Variants in ATP13A4 observed in about 807,000 individuals in gnomAD.
The protein encoded by ATP13A4 is probable cation-transporting ATPase 13A4.
Under a neutral mutation model 142.5 loss-of-function variants are expected in ATP13A4, and 114 were observed. That is an observed-to-expected ratio of 0.80 (90% CI 0.69 to 0.93). The LOEUF (loss-of-function observed/expected upper bound fraction) is 0.93, where lower values mean the gene tolerates loss of function less well. Ranked by LOEUF, ATP13A4 falls within the 40% of genes least tolerant of loss-of-function variation. The pLI, the probability that ATP13A4 is intolerant of heterozygous loss-of-function variation, is 0.00. For synonymous variants in ATP13A4, 488 were observed against 514.8 expected, an observed-to-expected ratio of 0.95 and a Z score of 0.70; for missense variants, 1,392 against 1,454.0, an observed-to-expected ratio of 0.96 and a Z score of 0.69.
chr3:193,429,720 G>C (rs1479268858), intron 25 of ATP13A4, among the ~76,000 whole-genome samples: 1 of 151,668 alleles, frequency 6.6e-6, no homozygotes, highest in Non-Finnish European at 1.5e-5. Flanking sequence ...AAAACATTGT[G>C]AATGTAATTC....
chr3:193,461,512 G>C (rs1020836527), intron 13 of ATP13A4, among the ~76,000 whole-genome samples: 3 of 152,130 alleles, frequency 2.0e-5, no homozygotes, highest in Admixed American at 6.5e-5. Context: ...ACTTTCAGAG[G>C]CCTCTTCTGT....
rs112860261 is a variant in ATP13A4 at position 193,469,453 on chromosome 3, C to T, written c.943+1406G>A. The stretch of plus-strand genomic sequence containing the variant: ...CCAGCCTGGCCAACATCGTGAAACG[C>T]CACCTCTACTAAAAATACAAAAATT... On this transcript the variant is annotated intron_variant, in intron 9 of 29. Transcript: ENST00000342695. Among the ~76,000 whole-genome samples the T allele has an allele frequency of 2.8e-3, 419 of 152,176 alleles. 2 individuals carry two copies. The highest frequency in any genetic ancestry group is 9.7e-3 in the African/African-American group (403 of 41,528).
intron 8 of ATP13A4, among the ~76,000 whole-genome samples, chr3:193,483,449 TTTTTGTTTGTTTG>T (rs1407578821): frequency 6.6e-6 from 1 of 152,122 alleles, no homozygotes; most frequent in Non-Finnish European, 1.5e-5. Context: ...TAAAGTAGTT[TTTTTGTTTGTTTG>T]TTTTGTTTTG....
At chr3:193,519,626 ATTTTTTTTTTTTTTTTTT>A (rs147173408) in intron 1 of ATP13A4, among the ~76,000 whole-genome samples, 1 of 69,010 alleles carries the variant, frequency 1.4e-5, no homozygotes, top group East Asian at 4.8e-4. Context: ...GCAATTTGTA[ATTTTTTTTTTTTTTTTTT>A]TTTTTTTTTT....
chr3:193,505,767 G>A (rs1275003718), intron 2 of ATP13A4, among the ~76,000 whole-genome samples: 2 of 152,148 alleles, frequency 1.3e-5, no homozygotes, highest in East Asian at 1.9e-4. Context: ...GAAATGGAAG[G>A]AAAGTACACC....
chr3:193,484,430 G>A (rs974627135), intron 7 of ATP13A4, among the ~76,000 whole-genome samples: 1 of 152,082 alleles, frequency 6.6e-6, no homozygotes, highest in Admixed American at 6.5e-5. Flanking sequence ...GATATTGAGA[G>A]TGAGTCAGTA....
At chr3:193,526,362 AC>A (rs1722002395) in intron 1 of ATP13A4, among the ~76,000 whole-genome samples, 1 of 152,028 alleles carries the variant, frequency 6.6e-6, no homozygotes, top group Admixed American at 6.5e-5. Context: ...AAAACCAAAC[AC>A]CACATTTTCT....
At chr3:193,541,962 G>C (rs1387686519) in intron 1 of ATP13A4, among the ~76,000 whole-genome samples, 1 of 152,116 alleles carries the variant, frequency 6.6e-6, no homozygotes, top group African/African-American at 2.4e-5. Context: ...ACCCAGCTTG[G>C]AAGTTGTGTC....
At chr3:193,500,552 A>G (rs768955301) in intron 3 of ATP13A4, among the ~76,000 whole-genome samples, 20 of 152,140 alleles carry the variant, frequency 1.3e-4, no homozygotes, top group Non-Finnish European at 2.6e-4. Context: ...GAGCACCGTA[A>G]CCTAGATCCC....
chr3:193,489,945 A>G, intron 6 of ATP13A4, 81 bp from the exon 7 acceptor site: 1 of 1,438,958 alleles, frequency 6.9e-7, no homozygotes, highest in Middle Eastern at 1.8e-4. Context: ...TTTCATAATC[A>G]TCTTCATGAC....
intron 21 of ATP13A4, among the ~76,000 whole-genome samples, chr3:193,439,294 A>T (rs1006759846): frequency 9.9e-5 from 15 of 152,202 alleles, no homozygotes; most frequent in African/African-American, 3.1e-4. Context: ...GACACTGCAC[A>T]TCACTGCGTA....
At chr3:193,519,325 AAGAC>A (rs1171890152) in intron 1 of ATP13A4, among the ~76,000 whole-genome samples, 7 of 152,168 alleles carry the variant, frequency 4.6e-5, no homozygotes, top group Middle Eastern at 3.2e-3. Context: ...CTGAGGTACT[AAGAC>A]AGAAAGCAGA....
At chr3:193,577,801 A>G (rs1056433194) in intron 2 of ATP13A4, among the ~76,000 whole-genome samples, 1 of 152,224 alleles carries the variant, frequency 6.6e-6, no homozygotes, top group African/African-American at 2.4e-5. Flanking sequence ...CTATGTTGCA[A>G]TCTAACATAC....
At chr3:193,573,295 A>ATATATATATATTCT (rs1724320600) in intron 2 of ATP13A4, among the ~76,000 whole-genome samples, 2 of 83,962 alleles carry the variant, frequency 2.4e-5, no homozygotes, top group African/African-American at 1.1e-4. Flanking sequence ...ATATACACAT[A>ATATATATATATTCT]TATATATATA....
chr3:193,548,868 C>T (rs569377401), intron 1 of ATP13A4, among the ~76,000 whole-genome samples: 1 of 152,166 alleles, frequency 6.6e-6, no homozygotes, highest in Non-Finnish European at 1.5e-5. Context: ...GTTTACCGTG[C>T]TTTTCCACTG....
chr3:193,402,923 C>T lies in ATP13A4; in HGVS notation c.3379-59G>A, dbSNP rs1003947439. ...GGGTTGAGTGTTTTGAGGCTACAGCCCTCCACAGGCCATCATAAGTCACTA... is the reference window on the plus strand; with the variant it reads ...GGGTTGAGTGTTTTGAGGCTACAGCTCTCCACAGGCCATCATAAGTCACTA... On this transcript the variant is annotated intron_variant, in intron 29 of 29. Coordinates refer to ENST00000342695, the MANE Select transcript of ATP13A4 (RefSeq NM_032279.4). 5.5e-5 allele frequency: 81 copies of T among 1,460,524 alleles called. No homozygotes were observed. The Admixed American group carries it at 1.2e-3, about 22-fold the overall frequency. 90.5% of individuals were successfully genotyped at this position (1,460,524 alleles called of 1,614,324 possible). A position where few individuals can be genotyped will look rare whatever the true frequency, so the allele number is the denominator to read the frequency against.
At chr3:193,476,065 G>A (rs1718946749) in intron 8 of ATP13A4, among the ~76,000 whole-genome samples, 1 of 152,014 alleles carries the variant, frequency 6.6e-6, no homozygotes, top group Admixed American at 6.6e-5. Context: ...AAATTATAAG[G>A]TCAGTATAAC....
At chr3:193,415,631 T>C (rs1031085286) in intron 25 of ATP13A4, among the ~76,000 whole-genome samples, 11 of 152,234 alleles carry the variant, frequency 7.2e-5, no homozygotes, top group Admixed American at 1.3e-4. Flanking sequence ...GTCTGGGAAC[T>C]ACCTGAAGGA....
chr3:193,533,385 A>C (rs1349035186), intron 1 of ATP13A4, among the ~76,000 whole-genome samples: 1 of 152,204 alleles, frequency 6.6e-6, no homozygotes, highest in Non-Finnish European at 1.5e-5. Flanking sequence ...CAGACAGGCT[A>C]GAGATTCTAG....
Sources: allele counts gnomAD v4.1 joint callset (sites outside exome capture counted in the v4.1 genomes callset), GRCh38; gene constraint gnomAD v4.1.1; transcripts MANE v1.5; gene names NCBI Gene and HGNC (gene_info 2026-07-23, HGNC 2026-07-21).